The following TMEM63C variants were observed in gnomAD, a reference collection of about 807,000 sequenced individuals.
TMEM63C encodes osmosensitive cation channel TMEM63C.
A neutral mutation model predicts 99.2 loss-of-function variants in TMEM63C; 32 were observed. The observed-to-expected ratio is 0.32, with a 90% CI of 0.24 to 0.43. The LOEUF (loss-of-function observed/expected upper bound fraction) is 0.43. Ranked by LOEUF, TMEM63C falls within the 20% of genes least tolerant of loss-of-function variation. The pLI, the probability that TMEM63C is intolerant of heterozygous loss-of-function variation, is 1.00. For synonymous variants in TMEM63C, 376 were observed against 397.9 expected, an observed-to-expected ratio of 0.94 and a Z score of 0.66; for missense variants, 826 against 1,053.0, an observed-to-expected ratio of 0.78 and a Z score of 2.98.
intron 1 of TMEM63C, among the ~76,000 whole-genome samples, chr14:77,207,289 CT>C (rs1441805830): frequency 6.6e-6 from 1 of 152,246 alleles, no homozygotes; most frequent in Non-Finnish European, 1.5e-5. Context: ...ACCTTCTCCC[CT>C]GATGGCGTCC....
At chr14:77,254,510 G>A (rs964347882) in intron 23 of TMEM63C, among the ~76,000 whole-genome samples, 1 of 152,150 alleles carries the variant, frequency 6.6e-6, no homozygotes, top group Non-Finnish European at 1.5e-5. Flanking sequence ...CTTCCAAAAG[G>A]ACCCCTCTTG....
chr14:77,194,553 C>CTTTTTTCTTTCTT (rs56115104), intron 1 of TMEM63C, among the ~76,000 whole-genome samples: 1 of 125,048 alleles, frequency 8.0e-6, no homozygotes, highest in Non-Finnish European at 1.6e-5. Flanking sequence ...TTCTTTCTTT[C>CTTTTTTCTTTCTT]TCTTTCTTTC....
chr14:77,234,932 GTGATGAA>G (rs1452900962), intron 8 of TMEM63C, among the ~76,000 whole-genome samples: 1 of 152,228 alleles, frequency 6.6e-6, no homozygotes, highest in East Asian at 1.9e-4. Flanking sequence ...TGGCGTAGCA[GTGATGAA>G]TCTAAGTACT....
chr14:77,207,160 G>A (rs1888416107), intron 1 of TMEM63C, among the ~76,000 whole-genome samples: 1 of 152,192 alleles, frequency 6.6e-6, no homozygotes, highest in Non-Finnish European at 1.5e-5. Context: ...TCCAGGGTCT[G>A]GAGGACAAGG....
chr14:77,233,833 T>C (rs748466997), intron 8 of TMEM63C, among the ~76,000 whole-genome samples: 1 of 152,104 alleles, frequency 6.6e-6, no homozygotes, highest in Non-Finnish European at 1.5e-5. Flanking sequence ...GAAGATTGTT[T>C]TCCTGCCACC....
intron 15 of TMEM63C, among the ~76,000 whole-genome samples, chr14:77,243,940 C>T (rs1889225430): frequency 6.6e-6 from 1 of 152,148 alleles, no homozygotes; most frequent in Non-Finnish European, 1.5e-5. Flanking sequence ...TTTTGTTCCC[C>T]TTTGTCAACT....
At chr14:77,208,931 T>A (rs1300682247) in intron 1 of TMEM63C, among the ~76,000 whole-genome samples, 1 of 152,128 alleles carries the variant, frequency 6.6e-6, no homozygotes, top group African/African-American at 2.4e-5. Flanking sequence ...AGCGGGATCA[T>A]TGCTCTGCTT....
intron 5 of TMEM63C, among the ~76,000 whole-genome samples, chr14:77,222,158 A>G (rs1303017976): frequency 1.3e-5 from 2 of 152,186 alleles, no homozygotes; most frequent in Non-Finnish European, 2.9e-5. Context: ...CCATATGGAT[A>G]TTGTAGTCAT....
intron 5 of TMEM63C, among the ~76,000 whole-genome samples, chr14:77,223,043 C>G (rs1196537809): frequency 6.6e-6 from 1 of 152,116 alleles, no homozygotes; most frequent in African/African-American, 2.4e-5. Flanking sequence ...TGTCATCCCT[C>G]GAGAGGCGGG....
chr14:77,242,005 G>T (rs1273672995), intron 13 of TMEM63C, among the ~76,000 whole-genome samples: 1 of 152,196 alleles, frequency 6.6e-6, no homozygotes, highest in Non-Finnish European at 1.5e-5. Flanking sequence ...TTAAGATGAG[G>T]CTAAAAGTAG....
At chr14:77,184,862 C>G (rs1476294940) in intron 1 of TMEM63C, among the ~76,000 whole-genome samples, 2 of 152,112 alleles carry the variant, frequency 1.3e-5, no homozygotes, top group African/African-American at 2.4e-5. Context: ...ATGGTGTGTC[C>G]TTGCTCTAGA....
chr14:77,254,581 G>C (rs147101527), intron 23 of TMEM63C, among the ~76,000 whole-genome samples: 2 of 151,994 alleles, frequency 1.3e-5, no homozygotes, highest in Non-Finnish European at 2.9e-5. Flanking sequence ...TGCTGTTTTC[G>C]CTCTTAATCT....
chr14:77,210,131 G>A (rs1479610045), intron 1 of TMEM63C, among the ~76,000 whole-genome samples: 1 of 152,168 alleles, frequency 6.6e-6, no homozygotes, highest in African/African-American at 2.4e-5. Context: ...TTCTCTAGGT[G>A]CAAATAACCC....
intron 6 of TMEM63C, 91 bp from the exon 7 acceptor site, chr14:77,231,497 G>T: frequency 7.2e-7 from 1 of 1,397,630 alleles, no homozygotes; most frequent in Non-Finnish European, 9.7e-7. Context: ...GGGAGGGGGT[G>T]ATCATTTTCT....
At chr14:77,239,944 C>T (rs1281957812) in intron 12 of TMEM63C, among the ~76,000 whole-genome samples, 2 of 152,208 alleles carry the variant, frequency 1.3e-5, no homozygotes, top group Non-Finnish European at 2.9e-5. Flanking sequence ...GGGAAGCTTG[C>T]TGCTGTCTCC....
intron 1 of TMEM63C, among the ~76,000 whole-genome samples, chr14:77,198,857 G>A (rs1888251750): frequency 6.6e-6 from 1 of 152,198 alleles, no homozygotes; most frequent in Admixed American, 6.5e-5. Flanking sequence ...GGGACAGGGA[G>A]GGGGCAAACC....
intron 13 of TMEM63C, among the ~76,000 whole-genome samples, chr14:77,240,933 TTTTTTTTTTTTTTC>T (rs1889160709): frequency 2.5e-4 from 1 of 3,954 alleles, no homozygotes; most frequent in East Asian, 0.029. Context: ...CCCTTTTTCT[TTTTTTTTTTTTTTC>T]TTTTTTTTTT....
chr14:77,193,857 G>A (rs1024803406), intron 1 of TMEM63C, among the ~76,000 whole-genome samples: 46 of 151,628 alleles, frequency 3.0e-4, no homozygotes, highest in African/African-American at 9.0e-4. Flanking sequence ...AAAATTAGCC[G>A]GGCATGGTAG....
chr14:77,187,382 A>C (rs1478687227), intron 1 of TMEM63C, among the ~76,000 whole-genome samples: 2 of 152,228 alleles, frequency 1.3e-5, no homozygotes, highest in Non-Finnish European at 2.9e-5. Flanking sequence ...ATTCTGCTGA[A>C]GGACATCTCG....
Sources: allele counts gnomAD v4.1 joint callset (sites outside exome capture counted in the v4.1 genomes callset), GRCh38; gene constraint gnomAD v4.1.1; transcripts MANE v1.5; gene names NCBI Gene and HGNC (gene_info 2026-07-23, HGNC 2026-07-21).